Variants in UBR1 observed in about 807,000 individuals in gnomAD.
UBR1 encodes E3 ubiquitin-protein ligase UBR1.
A neutral mutation model predicts 242.1 loss-of-function variants in UBR1; 102 were observed. That is an observed-to-expected ratio of 0.42 (90% confidence interval 0.36 to 0.50). The LOEUF (loss-of-function observed/expected upper bound fraction) is 0.50. Ranked by LOEUF, UBR1 falls within the 20% of genes least tolerant of loss-of-function variation. The pLI is 0.01. For missense variants in UBR1, 1,772 were observed against 2,101.8 expected, an observed-to-expected ratio of 0.84 and a Z score of 3.07; for synonymous variants, 675 against 684.8, an observed-to-expected ratio of 0.99 and a Z score of 0.22.
intron 6 of UBR1, among the ~76,000 whole-genome samples, chr15:43,067,408 T>C (rs2033768303): frequency 6.6e-6 from 1 of 152,244 alleles, no homozygotes; most frequent in Non-Finnish European, 1.5e-5. Context: ...CTCTAGATTA[T>C]ACTGCACCCA....
chr15:43,032,511 T>C, intron 20 of UBR1, 57 bp downstream of exon 20: 1 of 1,173,450 alleles, frequency 8.5e-7, no homozygotes, highest in East Asian at 2.4e-5. Flanking sequence ...TTCATATAAA[T>C]GGTCTCTCTA....
intron 31 of UBR1, 122 bp from the exon 32 acceptor site, chr15:43,002,826 G>A: frequency 8.5e-7 from 1 of 1,176,592 alleles, no homozygotes. Flanking sequence ...AACATCTTTA[G>A]AACATACATG....
At chr15:43,008,227 C>T (rs7169603) in intron 29 of UBR1, among the ~76,000 whole-genome samples, 83,755 of 152,172 alleles carry the variant, frequency 0.55, 27,199 homozygotes, top group Non-Finnish European at 0.71. Context: ...GGGAACCCCA[C>T]CCCTTCCAAG....
At chr15:42,959,233 G>A (rs557977591) in intron 43 of UBR1, among the ~76,000 whole-genome samples, 2 of 151,870 alleles carry the variant, frequency 1.3e-5, no homozygotes, top group African/African-American at 4.8e-5. Context: ...TTTTTGGTTT[G>A]TTTTTTTAGA....
intron 3 of UBR1, among the ~76,000 whole-genome samples, chr15:43,076,672 C>T (rs1387694767): frequency 1.2e-4 from 17 of 143,124 alleles, no homozygotes; most frequent in South Asian, 2.3e-4. Context: ...GCCTGGCAAC[C>T]GCCCCGTCTG....
chr15:42,962,325 G>A (rs2032036609), intron 42 of UBR1, among the ~76,000 whole-genome samples: 1 of 152,258 alleles, frequency 6.6e-6, no homozygotes, highest in Admixed American at 6.5e-5. Flanking sequence ...CTAGGCTGGA[G>A]GAACAAAAGG....
At chr15:43,055,012 G>C (rs1420803896) in intron 11 of UBR1, 113 bp from the exon 12 acceptor site, 1 of 1,255,078 alleles carries the variant, frequency 8.0e-7, no homozygotes, top group East Asian at 2.5e-5. Context: ...GTTTGTTATT[G>C]AATGTTAAAC....
Position 43,026,670 on chromosome 15 carries a change from A to G in UBR1, c.2433-7T>C. Reference sequence around the variant, plus strand: ...GCCTGATACACCTGGTTTCCTAAATAGATGGAAAATACAAGATGAACTGCA... The same window carrying G: ...GCCTGATACACCTGGTTTCCTAAATGGATGGAAAATACAAGATGAACTGCA... On this transcript the variant is annotated splice_polypyrimidine_tract_variant and splice_region_variant and intron_variant, in intron 22 of 46. Transcript: ENST00000290650. The G allele has an allele frequency of 6.2e-7, 1 of 1,608,232 alleles. No individual in the cohort carries two copies. The highest frequency in any genetic ancestry group is 8.5e-7 in the Non-Finnish European group (1 of 1,175,922).
chr15:43,023,767 G>C (rs2033142460), intron 25 of UBR1, among the ~76,000 whole-genome samples: 1 of 152,158 alleles, frequency 6.6e-6, no homozygotes, highest in Non-Finnish European at 1.5e-5. Context: ...CCATAGTGGT[G>C]ATGGTAAAGT....
chr15:43,057,550 C>T (rs1445064796), intron 10 of UBR1, among the ~76,000 whole-genome samples: 2 of 152,128 alleles, frequency 1.3e-5, no homozygotes, highest in Non-Finnish European at 2.9e-5. Context: ...CAAAAAGATA[C>T]AGTAAGGTAA....
At chr15:43,076,474 G>GT (rs2033895626) in intron 3 of UBR1, among the ~76,000 whole-genome samples, 2 of 150,708 alleles carry the variant, frequency 1.3e-5, no homozygotes, top group African/African-American at 4.9e-5. Flanking sequence ...CCTCTTCCCC[G>GT]CCGCCATCCC....
chr15:42,994,446 A>T (rs1038894272), intron 33 of UBR1, among the ~76,000 whole-genome samples: 4 of 152,058 alleles, frequency 2.6e-5, no homozygotes, highest in Non-Finnish European at 4.4e-5. Context: ...TCCAATAGGA[A>T]CAAACTTCTG....
intron 3 of UBR1, among the ~76,000 whole-genome samples, chr15:43,076,006 G>A (rs1019736401): frequency 4.6e-5 from 7 of 151,024 alleles, no homozygotes; most frequent in African/African-American, 1.7e-4. Context: ...CTCCTTCCAT[G>A]GTCTCCCTCT....
At chr15:42,967,264 T>G (rs1214026267) in intron 40 of UBR1, among the ~76,000 whole-genome samples, 1 of 147,366 alleles carries the variant, frequency 6.8e-6, no homozygotes, top group East Asian at 2.1e-4. Flanking sequence ...GGTCTCACTA[T>G]CTTGCTCAGG....
intron 26 of UBR1, 100 bp from the exon 27 acceptor site, chr15:43,021,475 CTA>C: frequency 4.9e-6 from 5 of 1,010,156 alleles, no homozygotes; most frequent in Non-Finnish European, 7.8e-6. Context: ...TCAAAGTCCA[CTA>C]ATGCTCAATT....
chr15:42,946,082 T>C (rs907215599), intron 46 of UBR1, among the ~76,000 whole-genome samples: 1 of 152,188 alleles, frequency 6.6e-6, no homozygotes, highest in Admixed American at 6.6e-5. Context: ...CCTAATTCCT[T>C]GAGACATTCA....
At position 43,015,754 on chromosome 15, in the gene UBR1, T is replaced by C; in HGVS notation, c.3143A>G (p.His1048Arg). The C allele has an allele frequency of 6.2e-7, 1 of 1,614,218 alleles. No individual in the cohort carries two copies. The change falls in exon 29 of 47, where the codon CAT becomes CGT. Residue 1048 changes from histidine (H) to arginine (R), a missense_variant. His to Arg is a conservative substitution (Grantham distance 29). This residue lies in a region of UBR1 where 965 missense variants were observed against 1,079.7 expected (regional missense o/e 0.89). Transcript: ENST00000290650. Reference sequence around the variant, plus strand: ...TGATGTATTGTCATACATGAGTTTATGAGTTTCAATGAAGTTTTTCTGTAA... The same window carrying C: ...TGATGTATTGTCATACATGAGTTTACGAGTTTCAATGAAGTTTTTCTGTAA... ...SALQKNFIET[H>R]KLMYDNTSEM...
chr15:43,076,270 G>A (rs977821218), intron 3 of UBR1, among the ~76,000 whole-genome samples: 5 of 152,080 alleles, frequency 3.3e-5, no homozygotes, highest in South Asian at 2.1e-4. Flanking sequence ...ACGGAGTCTC[G>A]TTCACTCAGT....
At chr15:43,000,136 G>A (rs1026039470) in intron 32 of UBR1, among the ~76,000 whole-genome samples, 1 of 151,892 alleles carries the variant, frequency 6.6e-6, no homozygotes, top group African/African-American at 2.4e-5. Flanking sequence ...TACTATCTTA[G>A]ATTATATTCA....
Sources: allele counts gnomAD v4.1 joint callset (sites outside exome capture counted in the v4.1 genomes callset), GRCh38; gene constraint gnomAD v4.1.1; regional missense constraint gnomAD v4.1.1; transcripts MANE v1.5; gene names NCBI Gene and HGNC (gene_info 2026-07-23, HGNC 2026-07-21).